PHIP: variants seen among roughly 807,000 people sequenced by gnomAD.
PHIP encodes the protein PH-interacting protein.
A neutral mutation model predicts 236.8 loss-of-function variants in PHIP; 54 were observed. The observed-to-expected ratio is 0.23, with a 90% confidence interval of 0.18 to 0.29. The LOEUF is 0.29. Ranked by LOEUF, PHIP falls within the 10% of genes least tolerant of loss-of-function variation. The pLI, the probability that PHIP is intolerant of heterozygous loss-of-function variation, is 1.00. For synonymous variants in PHIP, 756 were observed against 718.9 expected (o/e 1.05, Z -0.83); for missense variants, 1,370 against 2,190.8 (o/e 0.63, Z 7.48).
intron 35 of PHIP, among the ~76,000 whole-genome samples, chr6:78,952,317 G>A (rs1451374554): frequency 6.6e-6 from 1 of 151,482 alleles, no homozygotes; most frequent in African/African-American, 2.4e-5. Flanking sequence ...TACTCGTGAG[G>A]CCGAGGCAGG....
intron 6 of PHIP, among the ~76,000 whole-genome samples, chr6:79,053,856 T>G (rs928872061): frequency 3.9e-5 from 6 of 152,192 alleles, no homozygotes; most frequent in Non-Finnish European, 5.9e-5. Context: ...AGATGGTTTA[T>G]ATGAAGTGGA....
chr6:79,075,659 G>T (rs1363501721), intron 4 of PHIP, among the ~76,000 whole-genome samples: 3 of 127,862 alleles, frequency 2.3e-5, no homozygotes, highest in South Asian at 2.4e-4. Flanking sequence ...AAAACAAAAT[G>T]ATATTCCTAC....
chr6:79,040,188 T>C (rs1335143656), intron 7 of PHIP, among the ~76,000 whole-genome samples: 4 of 152,118 alleles, frequency 2.6e-5, no homozygotes, highest in Non-Finnish European at 5.9e-5. Context: ...TTGGTACTAT[T>C]ATCATCTACT....
At chr6:79,011,337 A>G (rs1770564254) in intron 15 of PHIP, among the ~76,000 whole-genome samples, 2 of 151,916 alleles carry the variant, frequency 1.3e-5, no homozygotes, top group South Asian at 4.1e-4. Flanking sequence ...GTTTGTTTTT[A>G]AAGAATAAAG....
chr6:79,057,319 A>T (rs979520966), intron 6 of PHIP, among the ~76,000 whole-genome samples: 4 of 152,148 alleles, frequency 2.6e-5, no homozygotes, highest in Non-Finnish European at 2.9e-5. Flanking sequence ...AATTAGTGGG[A>T]AAACTTAGTG....
At chr6:79,041,436 C>T (rs1173886831) in intron 7 of PHIP, among the ~76,000 whole-genome samples, 1 of 152,042 alleles carries the variant, frequency 6.6e-6, no homozygotes, top group Non-Finnish European at 1.5e-5. Context: ...TGCTTACAAT[C>T]CCTATCATTT....
intron 24 of PHIP, among the ~76,000 whole-genome samples, chr6:78,974,466 A>G (rs1383070501): frequency 6.6e-6 from 1 of 151,880 alleles, no homozygotes; most frequent in Non-Finnish European, 1.5e-5. Flanking sequence ...AATTAAAAGA[A>G]CTAGAAAAGC....
chr6:78,991,040 CAAAAGGAA>C, intron 19 of PHIP, 55 bp from the exon 20 acceptor site: 1 of 1,035,458 alleles, frequency 9.7e-7, no homozygotes, highest in Non-Finnish European at 1.5e-6. Flanking sequence ...AACTTTCCTC[CAAAAGGAA>C]TGTTAGGTAT....
chr6:78,979,404 A>G lies in PHIP; in HGVS notation c.2770-693T>C, dbSNP rs1157093239. The stretch of plus-strand genomic sequence containing the variant: ...GCTATCAATTTTATAAACATTCCAT[A>G]TAACAAACCAAGACAGCCTAGAGTT... On this transcript the variant is annotated intron_variant, in intron 23 of 39. Transcript: ENST00000275034. Among the ~76,000 whole-genome samples, 4 of 152,124 alleles carry G rather than the reference A, an allele frequency of 2.6e-5. No homozygotes were observed. In the South Asian group the frequency reaches 6.2e-4, roughly 24 times the overall value.
At chr6:78,986,008 T>G (rs1373273920) in intron 21 of PHIP, among the ~76,000 whole-genome samples, 1 of 152,188 alleles carries the variant, frequency 6.6e-6, no homozygotes, top group East Asian at 1.9e-4. Flanking sequence ...TCATAACGTA[T>G]CTAGATAAAA....
chr6:78,946,855 C>T lies in PHIP; in HGVS notation c.4226G>A (p.Arg1409His), dbSNP rs1773848450. 2.6e-6 allele frequency: 4 copies of T among 1,568,022 alleles called. No individual in the cohort carries two copies. The highest frequency in any genetic ancestry group is 1.4e-5 in the African/African-American group (1 of 71,300). The part of the protein sequence containing the change: ...KRSRIYSMSL[R>H]LSAFFEEHIS... Reference sequence around the variant, plus strand: ...GTGTTCTTCAAAGAAAGCAGACAGGCGCAAACTCATGCTGTAAATCTGTGA... The same window carrying T: ...GTGTTCTTCAAAGAAAGCAGACAGGTGCAAACTCATGCTGTAAATCTGTGA... Residue 1409 changes from arginine to histidine, a missense_variant, in exon 37 of 40, where the codon CGC (arginine) becomes CAC (histidine). Arg to His is a conservative substitution (Grantham distance 29). Around this residue, in one of 14 missense-constraint regions of PHIP, gnomAD observed 125 missense variants for 235.1 expected, o/e 0.53. Transcript: ENST00000275034.
chr6:79,033,962 TTGG>T (rs1470648067), intron 7 of PHIP, among the ~76,000 whole-genome samples: 1 of 152,022 alleles, frequency 6.6e-6, no homozygotes, highest in Non-Finnish European at 1.5e-5. Flanking sequence ...GAAGGGCCAG[TTGG>T]TGGAGCAATC....
chr6:78,981,147 T>C (rs1254130276), intron 23 of PHIP, among the ~76,000 whole-genome samples: 1 of 152,030 alleles, frequency 6.6e-6, no homozygotes, highest in Non-Finnish European at 1.5e-5. Flanking sequence ...TTCTTTAACA[T>C]TTCTAGCTCC....
intron 4 of PHIP, among the ~76,000 whole-genome samples, chr6:79,072,572 T>C (rs541228107): frequency 3.7e-4 from 56 of 152,092 alleles, no homozygotes; most frequent in African/African-American, 1.3e-3. Flanking sequence ...AGCTTCAACC[T>C]CCCTGGGCTC....
intron 7 of PHIP, among the ~76,000 whole-genome samples, chr6:79,040,744 C>CA (rs749252686): frequency 2.0e-5 from 3 of 151,926 alleles, no homozygotes; most frequent in Middle Eastern, 3.4e-3. Context: ...AAGAATTTTT[C>CA]AAAAAAATAG....
chr6:79,026,821 A>G (rs1771429389), intron 7 of PHIP, among the ~76,000 whole-genome samples: 1 of 151,740 alleles, frequency 6.6e-6, no homozygotes, highest in South Asian at 2.1e-4. Flanking sequence ...TAGAGATAGA[A>G]CATTCAGACT....
chr6:79,025,970 G>A lies in PHIP; in HGVS notation c.795C>T (p.Gly265=). ...RTCAPLAVLQ[G]HSASITSLQF... Reference sequence around the variant, plus strand: ...GTAGTGATGTAATAGATGCACTATGGCCCTGAAGAACAGCCAAAGGTGCAC... The same window carrying A: ...GTAGTGATGTAATAGATGCACTATGACCCTGAAGAACAGCCAAAGGTGCAC... Residue 265 remains glycine, a synonymous_variant, in exon 8 of 40, where the codon GGC becomes GGT. Coordinates refer to ENST00000275034, the MANE Select transcript of PHIP (RefSeq NM_017934.7). 1 of 1,612,538 alleles carries A rather than the reference G, an allele frequency of 6.2e-7. No individual in the cohort carries two copies. Among genetic ancestry groups the A allele is most frequent in the East Asian group, 2.2e-5 (1 of 44,808 alleles).
chr6:78,963,007 G>GA, intron 30 of PHIP, 90 bp downstream of exon 30: 11 of 1,274,122 alleles, frequency 8.6e-6, no homozygotes, highest in East Asian at 5.0e-5. Context: ...AGGATATTGT[G>GA]AAAAAAAATT....
chr6:79,077,826 G>C, intron 2 of PHIP, 29 bp downstream of exon 2: 1 of 1,355,586 alleles, frequency 7.4e-7, no homozygotes, highest in Non-Finnish European at 9.6e-7. Context: ...GGCGAGCGCC[G>C]GCCCGGCCCG....
Sources: gnomAD v4.1 joint callset for allele counts (sites outside exome capture counted in the v4.1 genomes callset) on GRCh38, gnomAD v4.1.1 for gene constraint, gnomAD v4.1.1 regional missense constraint, MANE v1.5 for transcripts, NCBI Gene and HGNC (gene_info 2026-07-23, HGNC 2026-07-21) for gene names.